The following LRRC7 variants were observed in gnomAD, a reference collection of about 807,000 sequenced individuals.
LRRC7 encodes the protein leucine-rich repeat-containing protein 7.
LRRC7 carries 23 observed loss-of-function variants against 175.7 expected under a neutral mutation model. The observed-to-expected ratio is 0.13, with a 90% CI of 0.09 to 0.19. The LOEUF (loss-of-function observed/expected upper bound fraction) is 0.19, where lower values mean the gene tolerates loss of function less well. Among genes scored for constraint, LRRC7 ranks in the 10% least tolerant of loss-of-function variants. The pLI is 1.00. For missense variants in LRRC7, 1,354 were observed against 1,904.7 expected, an observed-to-expected ratio of 0.71 and a Z score of 5.38; for synonymous variants, 685 against 680.9, an observed-to-expected ratio of 1.01 and a Z score of -0.09.
intron 4 of LRRC7, among the ~76,000 whole-genome samples, chr1:69,803,440 C>G (rs576110800): frequency 6.6e-6 from 1 of 151,472 alleles, no homozygotes; most frequent in East Asian, 1.9e-4. Context: ...AACTTTGTGA[C>G]TTCCATCAAG....
intron 2 of LRRC7, among the ~76,000 whole-genome samples, chr1:69,726,665 A>G (rs1366895776): frequency 6.6e-6 from 1 of 152,160 alleles, no homozygotes; most frequent in Non-Finnish European, 1.5e-5. Flanking sequence ...AATGAGGTTG[A>G]CCAAGAAAAC....
At chr1:70,069,317 A>G (rs2102109203) in intron 23 of LRRC7, among the ~76,000 whole-genome samples, 1 of 152,240 alleles carries the variant, frequency 6.6e-6, no homozygotes, top group South Asian at 2.1e-4. Context: ...AAGCAGGGGA[A>G]ATGCCAGATG....
chr1:69,850,779 T>G (rs868486777), intron 7 of LRRC7, among the ~76,000 whole-genome samples: 3 of 152,090 alleles, frequency 2.0e-5, no homozygotes, highest in Admixed American at 1.3e-4. Flanking sequence ...GAATTTGATA[T>G]TGGCAATGGA....
At chr1:69,744,532 G>A (rs1356018832) in intron 2 of LRRC7, among the ~76,000 whole-genome samples, 2 of 151,784 alleles carry the variant, frequency 1.3e-5, no homozygotes, top group Non-Finnish European at 2.9e-5. Context: ...ATAAAAAAAG[G>A]ATTTGTCCTG....
chr1:70,038,414 T>C lies in LRRC7; in HGVS notation c.2590T>C (p.Ser864Pro), dbSNP rs1329735347. The C allele has an allele frequency of 2.5e-6, 4 of 1,614,034 alleles. No individual in the cohort carries two copies. In the Admixed American group the frequency reaches 5.0e-5, roughly 20 times the overall value. Residue 864 changes from serine (S) to proline (P), a missense_variant, in exon 21 of 27, where the codon TCT (serine) becomes CCT (proline). Ser to Pro is a moderately conservative substitution (Grantham distance 74). This residue lies in a region of LRRC7 where 1,032 missense variants were observed against 1,227.2 expected (regional missense o/e 0.84). Coordinates refer to ENST00000651989, the MANE Select transcript of LRRC7 (RefSeq NM_001370785.2). ...TGGTGTTCCCCTGGAACTCGAGCAG[T>C]CTACACACAGACACACACCAGAAAC... ...IVGVPLELEQSTHRHTPETEV... is the reference protein window; with the variant it reads ...IVGVPLELEQPTHRHTPETEV...
At chr1:69,685,439 C>T (rs922135105) in intron 2 of LRRC7, among the ~76,000 whole-genome samples, 10 of 151,946 alleles carry the variant, frequency 6.6e-5, no homozygotes, top group African/African-American at 2.2e-4. Context: ...GAGACTGAAG[C>T]ATCCATCATA....
chr1:69,582,131 A>G (rs1378439182), intron 1 of LRRC7, among the ~76,000 whole-genome samples: 1 of 152,174 alleles, frequency 6.6e-6, no homozygotes, highest in African/African-American at 2.4e-5. Flanking sequence ...TGTTGCCCAG[A>G]GGGTGTACAA....
intron 1 of LRRC7, among the ~76,000 whole-genome samples, chr1:69,575,961 T>G (rs568476714): frequency 6.6e-6 from 1 of 152,258 alleles, no homozygotes; most frequent in Admixed American, 6.5e-5. Context: ...AGTTACATTT[T>G]GGGCTGGGTG....
At chr1:70,029,037 C>A (rs1571080701) in intron 18 of LRRC7, among the ~76,000 whole-genome samples, 1 of 152,244 alleles carries the variant, frequency 6.6e-6, no homozygotes, top group African/African-American at 2.4e-5. Flanking sequence ...CATAATTGAT[C>A]TGAGTACATC....
intron 23 of LRRC7, among the ~76,000 whole-genome samples, chr1:70,067,695 T>C (rs756145705): frequency 1.3e-5 from 2 of 152,134 alleles, no homozygotes; most frequent in African/African-American, 4.8e-5. Context: ...ATTAAACTGG[T>C]ATATCAATTT....
intron 7 of LRRC7, among the ~76,000 whole-genome samples, chr1:69,844,858 A>T (rs913978077): frequency 6.6e-6 from 1 of 152,204 alleles, no homozygotes; most frequent in African/African-American, 2.4e-5. Flanking sequence ...ATTTTCAAAG[A>T]TAAGTTCCTT....
chr1:69,818,405 G>A (rs963586789), intron 4 of LRRC7, among the ~76,000 whole-genome samples: 2 of 152,010 alleles, frequency 1.3e-5, no homozygotes, highest in South Asian at 2.1e-4. Flanking sequence ...TTGATGTGGT[G>A]TATCACATTT....
intron 1 of LRRC7, among the ~76,000 whole-genome samples, chr1:69,612,014 A>G (rs896195632): frequency 2.6e-5 from 4 of 152,090 alleles, no homozygotes; most frequent in Admixed American, 1.3e-4. Flanking sequence ...ATAAATTTGT[A>G]AGCTATGCAT....
intron 4 of LRRC7, among the ~76,000 whole-genome samples, chr1:69,810,993 A>C (rs1677782337): frequency 6.6e-6 from 1 of 152,166 alleles, no homozygotes; most frequent in Admixed American, 6.5e-5. Context: ...GGCAACATAC[A>C]GAATGGGAAA....
rs1313544204 is a variant in LRRC7 at position 69,897,419 on chromosome 1, TC to T, written c.648-34087del. On this transcript the variant is annotated intron_variant, in intron 7 of 26. Transcript: ENST00000651989. ...TAATTCTTACCCTGCTTTATTTTTT[TC>T]ACAGCACTTACCACCATTCTGTATG... Among the ~76,000 whole-genome samples the T allele has an allele frequency of 1.3e-5, 2 of 152,188 alleles. 1 individual carries two copies. Among genetic ancestry groups the T allele is most frequent in the Non-Finnish European group, 2.9e-5 (2 of 67,998 alleles).
intron 8 of LRRC7, among the ~76,000 whole-genome samples, chr1:69,941,745 C>T (rs1648735166): frequency 6.6e-6 from 1 of 151,886 alleles, no homozygotes; most frequent in Non-Finnish European, 1.5e-5. Context: ...ATCATAAAAT[C>T]GTGGAAAATA....
intron 7 of LRRC7, among the ~76,000 whole-genome samples, chr1:69,912,896 CT>C (rs1262651547): frequency 1.2e-4 from 19 of 152,022 alleles, no homozygotes; most frequent in African/African-American, 4.6e-4. Context: ...ACAAATATAC[CT>C]TACTGTATAA....
intron 1 of LRRC7, among the ~76,000 whole-genome samples, chr1:69,582,505 C>T (rs1646239865): frequency 6.6e-6 from 1 of 152,148 alleles, no homozygotes; most frequent in Non-Finnish European, 1.5e-5. Flanking sequence ...AGCTTCTGCT[C>T]ACACATAGCA....
intron 4 of LRRC7, among the ~76,000 whole-genome samples, chr1:69,800,020 T>C (rs1443191795): frequency 6.6e-6 from 1 of 152,122 alleles, no homozygotes; most frequent in Non-Finnish European, 1.5e-5. Flanking sequence ...AGTGTATGTT[T>C]TTGTCAACTT....
Sources: allele counts gnomAD v4.1 joint callset (sites outside exome capture counted in the v4.1 genomes callset), GRCh38; gene constraint gnomAD v4.1.1; regional missense constraint gnomAD v4.1.1; transcripts MANE v1.5; gene names NCBI Gene and HGNC (gene_info 2026-07-23, HGNC 2026-07-21).